DNAJA4: variants seen among roughly 807,000 people sequenced by gnomAD.
The protein encoded by DNAJA4 is dnaJ homolog subfamily A member 4.
In DNAJA4, 32 loss-of-function variants were observed where a neutral mutation model predicts 39.7. The observed-to-expected ratio is 0.81, with a 90% CI of 0.61 to 1.08. The LOEUF (loss-of-function observed/expected upper bound fraction) is 1.08. Ranked by LOEUF, DNAJA4 falls within the 50% of genes least tolerant of loss-of-function variation. The pLI is 0.00. For synonymous variants in DNAJA4, 184 were observed against 182.4 expected (o/e 1.01, Z -0.07); for missense variants, 439 against 505.1 (o/e 0.87, Z 1.25).
Position 78,273,178 on chromosome 15 carries a change from G to A in DNAJA4, c.397G>A (p.Val133Ile). The A allele has an allele frequency of 6.3e-7, 1 of 1,598,006 alleles. No homozygotes were observed. Among genetic ancestry groups the A allele is most frequent in the South Asian group, 1.1e-5 (1 of 90,748 alleles). The change falls in exon 3 of 7, where the codon GTA becomes ATA. Residue 133 changes from valine (V) to isoleucine (I), a missense_variant. By Grantham distance (29) the Val-to-Ile change is conservative. Transcript: ENST00000394852. ...VTKKLALQKN[V>I]ICEKCEGVGG... ...GAAGAAATTGGCCCTCCAGAAAAAT[G>A]TAATTTGTGAGAAATGTGAAGGTAA... is the stretch of plus-strand genomic sequence containing the variant.
In DNAJA4 at chr15:78,274,336, G is replaced by A; in HGVS notation, c.558G>A (p.Glu186=). The A allele has an allele frequency of 6.2e-7, 1 of 1,614,206 alleles. No individual in the cohort carries two copies. Among genetic ancestry groups the A allele is most frequent in the South Asian group, 1.1e-5 (1 of 91,082 alleles). Residue 186 remains glutamate, a synonymous_variant, in exon 4 of 7, where the codon GAG becomes GAA. Coordinates refer to ENST00000394852, the MANE Select transcript of DNAJA4 (RefSeq NM_001130182.2). ...GCATCGAGTGCAAGGGCCAGGGTGA[G>A]CGCATCAACCCCAAGGACCGCTGCG... ...TVCIECKGQG[E]RINPKDRCES...
chr15:78,277,301 A>G (rs1046344880), intron 5 of DNAJA4, among the ~76,000 whole-genome samples: 6 of 152,152 alleles, frequency 3.9e-5, no homozygotes, highest in South Asian at 2.1e-4. Context: ...TGGGACAGCC[A>G]CATGCCACCA....
At chr15:78,265,199 C>T (rs1436499285) in intron 1 of DNAJA4, among the ~76,000 whole-genome samples, 1 of 152,212 alleles carries the variant, frequency 6.6e-6, no homozygotes, top group Non-Finnish European at 1.5e-5. Flanking sequence ...CCGTGCGCGC[C>T]GGACTAGTTC....
chr15:78,279,536 AG>A lies in DNAJA4; in HGVS notation c.878-508del, dbSNP rs1370147831. On this transcript the variant is annotated intron_variant, in intron 5 of 6. Transcript: ENST00000394852. The surrounding 1 kb of genome is among the most constrained non-coding windows in gnomAD (Gnocchi z 4.5). The stretch of plus-strand genomic sequence containing the variant: ...CCATGAAGGAGTCTGCCAGTGGCCA[AG>A]CCACCTAGTGAGCTCCCTACCAAGG... 1 of 162,378 alleles carries A rather than the reference AG, an allele frequency of 6.2e-6. No homozygotes were observed. Among genetic ancestry groups the A allele is most frequent in the Non-Finnish European group, 1.4e-5 (1 of 73,172 alleles). The allele number at this position is 162,378 out of a possible 1,614,324, so 10.1% of individuals were successfully genotyped here.
intron 1 of DNAJA4, among the ~76,000 whole-genome samples, chr15:78,267,745 A>G (rs1050531352): frequency 6.6e-5 from 10 of 152,172 alleles, no homozygotes; most frequent in South Asian, 2.1e-4. Context: ...CTTCTTTCCA[A>G]GCTTTCCCCA....
At chr15:78,265,688 T>C (rs1158137750) in intron 1 of DNAJA4, 1 of 700,968 alleles carries the variant, frequency 1.4e-6, no homozygotes, top group East Asian at 2.7e-5. Context: ...ATAGGTGAAT[T>C]GAAGGATGAG....
chr15:78,267,042 T>TC (rs2049141489), intron 1 of DNAJA4, among the ~76,000 whole-genome samples: 1 of 151,106 alleles, frequency 6.6e-6, no homozygotes, highest in African/African-American at 2.4e-5. Flanking sequence ...CAGAGAGAGC[T>TC]CATTCATTCA....
intron 1 of DNAJA4, among the ~76,000 whole-genome samples, chr15:78,266,684 A>G (rs1438206884): frequency 6.6e-6 from 1 of 152,186 alleles, no homozygotes; most frequent in Non-Finnish European, 1.5e-5. Context: ...CGTGCATCCT[A>G]CTTTAATGGT....
intron 5 of DNAJA4, among the ~76,000 whole-genome samples, chr15:78,276,263 A>C (rs982979857): frequency 1.3e-5 from 2 of 152,236 alleles, no homozygotes; most frequent in Non-Finnish European, 2.9e-5. Context: ...TGTTCATTAC[A>C]TGAGTTACAT....
At chr15:78,270,807 C>G in intron 2 of DNAJA4, 130 bp downstream of exon 2, 2 of 1,061,418 alleles carry the variant, frequency 1.9e-6, no homozygotes, top group East Asian at 5.3e-5. Context: ...TCTGTAATTT[C>G]AGCACTTTGG....
chr15:78,278,210 G>A (rs2049531662), intron 5 of DNAJA4: 1 of 455,946 alleles, frequency 2.2e-6, no homozygotes, highest in Non-Finnish European at 4.4e-6. Context: ...TCTCTTACCT[G>A]TAGTTTTCCA....
Position 78,264,899 on chromosome 15 carries a change from C to A in DNAJA4, c.132+4C>A, listed in dbSNP as rs1156400939. 1 of 1,580,912 alleles carries A rather than the reference C, an allele frequency of 6.3e-7. No individual in the cohort carries two copies. The highest frequency in any genetic ancestry group is 1.8e-5 in the Admixed American group (1 of 56,706). ...GAACCCGGATGAGGGCGAGAAGGTG[C>A]GGGGCGGCGCGGGGCACGGGCCGGG... is the stretch of plus-strand genomic sequence containing the variant. On this transcript the variant is annotated splice_donor_region_variant and intron_variant, in intron 1 of 6. Coordinates refer to ENST00000394852, the MANE Select transcript of DNAJA4 (RefSeq NM_001130182.2).
chr15:78,271,048 CTCAA>C (rs2049281031), intron 2 of DNAJA4, among the ~76,000 whole-genome samples: 1 of 130,028 alleles, frequency 7.7e-6, no homozygotes, highest in East Asian at 2.5e-4. Flanking sequence ...GAGACCCTGT[CTCAA>C]ACAAACAAAC....
chr15:78,269,559 C>G (rs1350685423), intron 1 of DNAJA4, among the ~76,000 whole-genome samples: 1 of 152,118 alleles, frequency 6.6e-6, no homozygotes, highest in Non-Finnish European at 1.5e-5. Flanking sequence ...ATAGCATAAC[C>G]TTTCAGCCCT....
At position 78,270,567 on chromosome 15, in the gene DNAJA4, G is replaced by C; in HGVS notation, c.203G>C (p.Gly68Ala). 6.2e-7 allele frequency: 1 copy of C among 1,614,206 alleles called. No homozygotes were observed. The highest frequency in any genetic ancestry group is 8.5e-7 in the Non-Finnish European group (1 of 1,180,042). ...AAAAGGGATGTTTATGACCAAGGCGGAGAGCAGGCAATTAAAGAAGGAGGC... is the reference window on the plus strand; with the variant it reads ...AAAAGGGATGTTTATGACCAAGGCGCAGAGCAGGCAATTAAAGAAGGAGGC... ...PKKRDVYDQG[G>A]EQAIKEGGSG... Residue 68 changes from glycine (G) to alanine (A), a missense_variant, in exon 2 of 7, where the codon GGA becomes GCA. Physicochemically the swap from Gly to Ala is moderately conservative, Grantham distance 60. Coordinates refer to ENST00000394852, the MANE Select transcript of DNAJA4 (RefSeq NM_001130182.2).
At chr15:78,275,053 G>A in intron 4 of DNAJA4, 1 of 180,024 alleles carries the variant, frequency 5.6e-6, no homozygotes. Flanking sequence ...CGACACAGGT[G>A]TTATTAAAGG....
At chr15:78,269,443 C>T (rs1471679589) in intron 1 of DNAJA4, among the ~76,000 whole-genome samples, 2 of 152,166 alleles carry the variant, frequency 1.3e-5, no homozygotes, top group Non-Finnish European at 2.9e-5. Flanking sequence ...ACAATGAACA[C>T]CTATGTATTC....
upstream of DNAJA4, chr15:78,264,317 G>A: frequency 1.4e-6 from 2 of 1,404,194 alleles, no homozygotes; most frequent in South Asian, 1.5e-5. Flanking sequence ...CCCCGCCATG[G>A]CCCGGGGCGG....
chr15:78,265,006 G>T (rs2049081868), intron 1 of DNAJA4, 111 bp downstream of exon 1: 14 of 1,281,328 alleles, frequency 1.1e-5, no homozygotes, highest in Non-Finnish European at 1.5e-5. Flanking sequence ...GGAGGCTGTC[G>T]CCAGGCGCCT....
Sources: gnomAD v4.1 joint callset for allele counts (sites outside exome capture counted in the v4.1 genomes callset) on GRCh38, gnomAD v4.1.1 for gene constraint, Gnocchi (gnomAD v3.1) non-coding constraint, MANE v1.5 for transcripts, NCBI Gene and HGNC (gene_info 2026-07-23, HGNC 2026-07-21) for gene names.